The following PLXDC2 variants were observed in gnomAD, a reference collection of about 807,000 sequenced individuals.
The protein encoded by PLXDC2 is plexin domain containing 2.
A neutral mutation model predicts 68.9 loss-of-function variants in PLXDC2; 40 were observed. The ratio of observed to expected loss-of-function variants is 0.58; its 90% CI spans 0.45 to 0.76. PLXDC2 has a LOEUF of 0.76. PLXDC2 is among the 30% of genes least tolerant of loss of function. The pLI is 0.00. For missense variants in PLXDC2, 644 were observed against 661.9 expected, an observed-to-expected ratio of 0.97 and a Z score of 0.30; for synonymous variants, 243 against 234.2, an observed-to-expected ratio of 1.04 and a Z score of -0.34.
chr10:20,082,177 G>T (rs1046910912), intron 4 of PLXDC2, among the ~76,000 whole-genome samples: 3 of 150,328 alleles, frequency 2.0e-5, no homozygotes, highest in Non-Finnish European at 4.4e-5. Context: ...AAGATAAAAA[G>T]GACATTATGT....
chr10:19,830,362 G>A (rs535881385), intron 1 of PLXDC2, among the ~76,000 whole-genome samples: 59 of 152,244 alleles, frequency 3.9e-4, no homozygotes, highest in African/African-American at 1.4e-3. Flanking sequence ...GTTTTAATCC[G>A]TTCAGGTCAG....
At chr10:19,961,303 A>G (rs1834150966) in intron 1 of PLXDC2, among the ~76,000 whole-genome samples, 2 of 152,224 alleles carry the variant, frequency 1.3e-5, no homozygotes, top group South Asian at 2.1e-4. Flanking sequence ...AATCCAACCA[A>G]ATGAGATAGT....
chr10:20,273,869 C>T (rs577998491), intron 13 of PLXDC2, among the ~76,000 whole-genome samples: 2 of 152,044 alleles, frequency 1.3e-5, no homozygotes, highest in South Asian at 4.2e-4. Context: ...AATAAATAAA[C>T]AAATAAAAGT....
intron 1 of PLXDC2, among the ~76,000 whole-genome samples, chr10:19,892,309 G>T (rs938485325): frequency 1.3e-5 from 2 of 152,096 alleles, no homozygotes; most frequent in Non-Finnish European, 2.9e-5. Context: ...GGACTTGAAG[G>T]ACCTAATTTG....
chr10:19,884,372 C>G (rs1837799886), intron 1 of PLXDC2, among the ~76,000 whole-genome samples: 1 of 151,656 alleles, frequency 6.6e-6, no homozygotes, highest in South Asian at 2.1e-4. Context: ...TTTTATAATA[C>G]TTTGAGTTTT....
chr10:20,217,131 T>C (rs1835148354), intron 10 of PLXDC2, among the ~76,000 whole-genome samples: 2 of 152,178 alleles, frequency 1.3e-5, no homozygotes, highest in African/African-American at 4.8e-5. Context: ...TTTATAAATA[T>C]ACCAATGTAA....
At chr10:20,271,534 G>A (rs186250374) in intron 13 of PLXDC2, among the ~76,000 whole-genome samples, 5 of 152,266 alleles carry the variant, frequency 3.3e-5, no homozygotes, top group Middle Eastern at 3.4e-3. Flanking sequence ...TTGACACTGG[G>A]TGAACCTGAA....
rs568055563 is a variant in PLXDC2 at position 20,127,701 on chromosome 10, G to T, written c.542-15594G>T. 8.5e-5 allele frequency among the ~76,000 whole-genome samples: 13 copies of T among 152,220 alleles called. 1 individual carries two copies. The South Asian group carries it at 2.5e-3, about 29-fold the overall frequency. ...AATTTTTAAGTCCTTAGAAAAGAAA[G>T]AGAGAAAATGGGGTGTAGTGGAACA... On this transcript the variant is annotated intron_variant, in intron 4 of 13. Coordinates refer to ENST00000377252, the MANE Select transcript of PLXDC2 (RefSeq NM_032812.9).
intron 2 of PLXDC2, among the ~76,000 whole-genome samples, chr10:20,020,803 CT>C (rs1244143893): frequency 6.6e-6 from 1 of 152,034 alleles, no homozygotes; most frequent in Non-Finnish European, 1.5e-5. Flanking sequence ...ATTAGCAGTC[CT>C]TTTTTTCCTT....
At chr10:20,274,322 A>G (rs1157354584) in intron 13 of PLXDC2, among the ~76,000 whole-genome samples, 1 of 152,198 alleles carries the variant, frequency 6.6e-6, no homozygotes, top group African/African-American at 2.4e-5. Flanking sequence ...TGTACTTTAA[A>G]GATACTAGCT....
chr10:19,982,864 A>G (rs1834576055), intron 1 of PLXDC2, among the ~76,000 whole-genome samples: 1 of 152,168 alleles, frequency 6.6e-6, no homozygotes, highest in Admixed American at 6.5e-5. Context: ...TCATTATGCA[A>G]TTGCCTCTTT....
At chr10:19,919,885 G>T (rs1379954546) in intron 1 of PLXDC2, among the ~76,000 whole-genome samples, 1 of 152,190 alleles carries the variant, frequency 6.6e-6, no homozygotes, top group East Asian at 1.9e-4. Flanking sequence ...CTACCTTCTA[G>T]TGTGTGAAAG....
intron 2 of PLXDC2, among the ~76,000 whole-genome samples, chr10:20,020,345 C>A (rs953004249): frequency 6.6e-6 from 1 of 151,908 alleles, no homozygotes; most frequent in African/African-American, 2.4e-5. Flanking sequence ...GCATGGATAG[C>A]CGACAATACC....
At chr10:20,197,011 G>A (rs535644871) in intron 9 of PLXDC2, among the ~76,000 whole-genome samples, 1 of 151,968 alleles carries the variant, frequency 6.6e-6, no homozygotes, top group Admixed American at 6.6e-5. Flanking sequence ...CTAATACGAT[G>A]CAATGTGCTC....
intron 9 of PLXDC2, among the ~76,000 whole-genome samples, chr10:20,185,185 A>C (rs891349068): frequency 6.6e-6 from 1 of 151,222 alleles, no homozygotes; most frequent in East Asian, 2.0e-4. Flanking sequence ...AAAAAAAAAA[A>C]AACTATGGGT....
intron 1 of PLXDC2, among the ~76,000 whole-genome samples, chr10:19,919,538 T>C (rs1338567643): frequency 6.6e-6 from 1 of 152,248 alleles, no homozygotes; most frequent in Non-Finnish European, 1.5e-5. Flanking sequence ...GAGCTGATAG[T>C]CTACCCAGTT....
intron 1 of PLXDC2, among the ~76,000 whole-genome samples, chr10:19,819,029 T>TACACAC (rs1491240181): frequency 3.6e-5 from 3 of 83,362 alleles, no homozygotes; most frequent in African/African-American, 1.3e-4. Context: ...AGAATATATG[T>TACACAC]ATACACACAC....
chr10:19,825,290 C>A (rs915607328), intron 1 of PLXDC2, among the ~76,000 whole-genome samples: 1 of 152,064 alleles, frequency 6.6e-6, no homozygotes, highest in African/African-American at 2.4e-5. Flanking sequence ...CTCATTGAGG[C>A]TTTGAGAATA....
At chr10:19,863,507 C>T (rs1379702581) in intron 1 of PLXDC2, among the ~76,000 whole-genome samples, 2 of 152,164 alleles carry the variant, frequency 1.3e-5, no homozygotes, top group Non-Finnish European at 2.9e-5. Context: ...CATCACTGCC[C>T]ACTTCAAACA....
Sources: gnomAD v4.1 joint callset for allele counts (sites outside exome capture counted in the v4.1 genomes callset) on GRCh38, gnomAD v4.1.1 for gene constraint, MANE v1.5 for transcripts, NCBI Gene and HGNC (gene_info 2026-07-23, HGNC 2026-07-21) for gene names.